Variants in SRRM4 observed in about 807,000 individuals in gnomAD.
SRRM4 encodes serine/arginine repetitive matrix 4, also known as serine/arginine repetitive matrix protein 4.
Under a neutral mutation model 68.9 loss-of-function variants are expected in SRRM4, and 33 were observed. The ratio of observed to expected loss-of-function variants is 0.48; its 90% confidence interval spans 0.36 to 0.64. The LOEUF (loss-of-function observed/expected upper bound fraction) is 0.64. SRRM4 is among the 30% of genes least tolerant of loss of function. SRRM4 has a pLI of 0.00. For synonymous variants in SRRM4, 318 were observed against 318.8 expected, an observed-to-expected ratio of 1.00 and a Z score of 0.03; for missense variants, 817 against 827.1, an observed-to-expected ratio of 0.99 and a Z score of 0.15.
intron 1 of SRRM4, among the ~76,000 whole-genome samples, chr12:119,076,213 A>G (rs1364311847): frequency 6.6e-6 from 1 of 152,172 alleles, no homozygotes; most frequent in East Asian, 1.9e-4. Context: ...GCTGCCATTT[A>G]TTGAGGGTTT....
intron 1 of SRRM4, among the ~76,000 whole-genome samples, chr12:119,046,186 T>C (rs932380164): frequency 3.3e-5 from 5 of 152,204 alleles, no homozygotes; most frequent in African/African-American, 1.2e-4. Context: ...AGCCTGGGAC[T>C]GAGCAGAGTG....
At chr12:119,135,148 C>G (rs544930035) in intron 8 of SRRM4, among the ~76,000 whole-genome samples, 1 of 152,150 alleles carries the variant, frequency 6.6e-6, no homozygotes, top group South Asian at 2.1e-4. Context: ...GAAAGCTTAC[C>G]CTGATAGTTG....
chr12:119,050,876 T>C (rs1953738243), intron 1 of SRRM4, among the ~76,000 whole-genome samples: 1 of 152,138 alleles, frequency 6.6e-6, no homozygotes, highest in African/African-American at 2.4e-5. Context: ...AATTTATTAT[T>C]AAAATTAAAA....
At chr12:119,047,873 A>G (rs922463976) in intron 1 of SRRM4, among the ~76,000 whole-genome samples, 6 of 152,228 alleles carry the variant, frequency 3.9e-5, no homozygotes, top group African/African-American at 2.4e-5. Flanking sequence ...CCTAGTAGGA[A>G]GAACTGCAAA....
Position 119,130,559 on chromosome 12 carries a change from G to T in SRRM4, c.615-119G>T, listed in dbSNP as rs144103065. On this transcript the variant is annotated intron_variant, in intron 7 of 12. Transcript: ENST00000267260. ...CATACCTAGGAACAATATCACATAT[G>T]AACATATACAAACACCCCCAAACAC... 7.2e-3 allele frequency: 6,783 copies of T among 942,508 alleles called. 34 individuals carry two copies. Among genetic ancestry groups the T allele is most frequent in the Middle Eastern group, 0.014 (42 of 2,926 alleles). The allele number at this position is 942,508 out of a possible 1,614,324, so 58.4% of individuals were successfully genotyped here.
At chr12:118,986,604 A>G (rs1953283638) in intron 1 of SRRM4, among the ~76,000 whole-genome samples, 1 of 152,176 alleles carries the variant, frequency 6.6e-6, no homozygotes, top group African/African-American at 2.4e-5. Flanking sequence ...AAAGACGCAC[A>G]CACTGCAAAT....
intron 1 of SRRM4, among the ~76,000 whole-genome samples, chr12:118,989,025 T>C (rs1953299846): frequency 6.6e-6 from 1 of 151,712 alleles, no homozygotes; most frequent in South Asian, 2.1e-4. Context: ...TAGAGCAGAG[T>C]GAGTGAATGG....
chr12:119,032,427 T>C (rs1953597836), intron 1 of SRRM4, among the ~76,000 whole-genome samples: 1 of 152,226 alleles, frequency 6.6e-6, no homozygotes, highest in African/African-American at 2.4e-5. Context: ...GCAGAGACAT[T>C]TCAATTACAT....
chr12:119,000,264 G>C (rs1471347689), intron 1 of SRRM4, among the ~76,000 whole-genome samples: 1 of 152,160 alleles, frequency 6.6e-6, no homozygotes, highest in Non-Finnish European at 1.5e-5. Context: ...TGCTGTAGCT[G>C]CCCAGCCACA....
chr12:119,068,627 G>A (rs1033933976), intron 1 of SRRM4, among the ~76,000 whole-genome samples: 13 of 151,946 alleles, frequency 8.6e-5, no homozygotes, highest in African/African-American at 2.9e-4. Context: ...CTCCCATGCC[G>A]CAGACCCCTG....
chr12:118,982,673 T>TATTTATTTTTTATTTTTTTTA (rs1953256081), intron 1 of SRRM4, among the ~76,000 whole-genome samples: 1 of 78,144 alleles, frequency 1.3e-5, no homozygotes, highest in African/African-American at 5.4e-5. Flanking sequence ...TATTTTGTTT[T>TATTTATTTTTTATTTTTTTTA]TTTTTGTTTT....
intron 1 of SRRM4, among the ~76,000 whole-genome samples, chr12:119,014,844 A>G (rs570351102): frequency 1.2e-4 from 19 of 152,260 alleles, no homozygotes; most frequent in African/African-American, 4.3e-4. Context: ...TGTTAAAGCG[A>G]AAGTACCCTG....
At chr12:119,024,858 C>T (rs1953537848) in intron 1 of SRRM4, among the ~76,000 whole-genome samples, 1 of 152,166 alleles carries the variant, frequency 6.6e-6, no homozygotes, top group Non-Finnish European at 1.5e-5. Context: ...CTCTGTGTCT[C>T]CCTAGCCATG....
chr12:118,997,126 C>A lies in SRRM4; in HGVS notation c.131+15113C>A, dbSNP rs112958560. 1.9e-3 allele frequency among the ~76,000 whole-genome samples: 297 copies of A among 152,354 alleles called. 3 individuals are homozygous for A. Among genetic ancestry groups the A allele is most frequent in the African/African-American group, 6.5e-3 (272 of 41,566 alleles). ...CAAGGAAACAAGAGATATTAGTTAA[C>A]CATACATGCTCTTGACCACAGCTCA... On this transcript the variant is annotated intron_variant, in intron 1 of 12. Transcript: ENST00000267260.
At chr12:119,149,158 G>A (rs1206518333) in intron 9 of SRRM4, among the ~76,000 whole-genome samples, 1 of 152,200 alleles carries the variant, frequency 6.6e-6, no homozygotes, top group Non-Finnish European at 1.5e-5. Context: ...AGCCATCCTG[G>A]CCAACATGGT....
chr12:119,154,199 C>T lies in SRRM4; in HGVS notation c.1392-44C>T, dbSNP rs936451796. On this transcript the variant is annotated intron_variant, in intron 11 of 12. Transcript: ENST00000267260. This position sits in a 1 kb window ranked among gnomAD's most constrained non-coding sequence, Gnocchi z 4.7. The stretch of plus-strand genomic sequence containing the variant: ...TCTCCCACGCGCTCACGCAGAAAAT[C>T]CAGCCCAGCCCCAGCTCCCCAGTAA... 1.8e-5 allele frequency: 28 copies of T among 1,549,664 alleles called. No individual in the cohort carries two copies. Among genetic ancestry groups the T allele is most frequent in the Non-Finnish European group, 2.4e-5 (27 of 1,140,998 alleles).
intron 10 of SRRM4, among the ~76,000 whole-genome samples, chr12:119,151,705 C>A (rs1954440847): frequency 6.6e-6 from 1 of 152,056 alleles, no homozygotes; most frequent in Non-Finnish European, 1.5e-5. Flanking sequence ...GGTGGGTTGG[C>A]TGGGGGCTGG....
At chr12:119,019,199 A>C (rs903418903) in intron 1 of SRRM4, among the ~76,000 whole-genome samples, 3 of 152,232 alleles carry the variant, frequency 2.0e-5, no homozygotes, top group Non-Finnish European at 2.9e-5. Context: ...TCAAATTCTA[A>C]TTCAAATGCT....
intron 1 of SRRM4, among the ~76,000 whole-genome samples, chr12:118,986,206 G>A (rs939657067): frequency 9.9e-5 from 15 of 152,220 alleles, no homozygotes; most frequent in African/African-American, 3.4e-4. Flanking sequence ...GGAGCCAGGT[G>A]AGGGGCTGTT....
Sources: gnomAD v4.1 joint callset for allele counts (sites outside exome capture counted in the v4.1 genomes callset) on GRCh38, gnomAD v4.1.1 for gene constraint, Gnocchi (gnomAD v3.1) non-coding constraint, MANE v1.5 for transcripts, NCBI Gene and HGNC (gene_info 2026-07-23, HGNC 2026-07-21) for gene names.